EFNA5: variants seen among roughly 807,000 people sequenced by gnomAD.
EFNA5 encodes the protein ephrin-A5.
Under a neutral mutation model 22.9 loss-of-function variants are expected in EFNA5, and 5 were observed. That is an observed-to-expected ratio of 0.22 (90% CI 0.11 to 0.46). The LOEUF is 0.46. Ranked by LOEUF, EFNA5 falls within the 20% of genes least tolerant of loss-of-function variation. The pLI is 0.99. For missense variants in EFNA5, 237 were observed against 293.3 expected, an observed-to-expected ratio of 0.81 and a Z score of 1.40; for synonymous variants, 113 against 112.2, an observed-to-expected ratio of 1.01 and a Z score of -0.04.
At chr5:107,497,500 G>A (rs1747018086) in intron 1 of EFNA5, among the ~76,000 whole-genome samples, 1 of 152,208 alleles carries the variant, frequency 6.6e-6, no homozygotes, top group Admixed American at 6.5e-5. Context: ...GAAATGTGGT[G>A]AGATCTGATT....
chr5:107,532,112 C>T (rs113451485), intron 1 of EFNA5, among the ~76,000 whole-genome samples: 2,233 of 152,256 alleles, frequency 0.015, 35 homozygotes, highest in Non-Finnish European at 0.024. Flanking sequence ...AAAATGGGAA[C>T]GGCTTTGTTT....
chr5:107,517,440 T>C (rs1342959021), intron 1 of EFNA5, among the ~76,000 whole-genome samples: 2 of 152,232 alleles, frequency 1.3e-5, no homozygotes, highest in Non-Finnish European at 1.5e-5. Flanking sequence ...GTGCTTCTTG[T>C]ACTTTAGTTT....
chr5:107,552,887 A>C (rs1748328099), intron 1 of EFNA5, among the ~76,000 whole-genome samples: 1 of 152,322 alleles, frequency 6.6e-6, no homozygotes, highest in African/African-American at 2.4e-5. Context: ...TTTGAGCAAT[A>C]ATTTTTATAA....
chr5:107,547,793 T>C (rs1175918459), intron 1 of EFNA5, among the ~76,000 whole-genome samples: 2 of 152,230 alleles, frequency 1.3e-5, no homozygotes, highest in Admixed American at 6.5e-5. Context: ...TTGTGTTTTT[T>C]TCCCCCACAG....
At chr5:107,634,602 G>A (rs561228572) in intron 1 of EFNA5, among the ~76,000 whole-genome samples, 2 of 146,232 alleles carry the variant, frequency 1.4e-5, no homozygotes, top group African/African-American at 4.9e-5. Context: ...CCAACGCCCT[G>A]GGGAGTTCAA....
chr5:107,490,418 C>T (rs1229278397), intron 1 of EFNA5, among the ~76,000 whole-genome samples: 1 of 152,146 alleles, frequency 6.6e-6, no homozygotes, highest in Non-Finnish European at 1.5e-5. Context: ...ACATCCCACC[C>T]ATGCTTTCAG....
chr5:107,429,687 G>A lies in EFNA5; in HGVS notation c.126-2178C>T, dbSNP rs537645399. ...CTAATCATGAGAACCTGCCTTGCTG[G>A]CCTCTGGTGGCTGCTTCAAGCCTTA... is the stretch of plus-strand genomic sequence containing the variant. On this transcript the variant is annotated intron_variant, in intron 1 of 4. Coordinates refer to ENST00000333274, the MANE Select transcript of EFNA5 (RefSeq NM_001962.3). 2.8e-4 allele frequency among the ~76,000 whole-genome samples: 42 copies of A among 152,270 alleles called. No homozygotes were observed. In the East Asian group the frequency reaches 8.1e-3, roughly 29 times the overall value.
At chr5:107,519,712 C>A (rs1299944376) in intron 1 of EFNA5, among the ~76,000 whole-genome samples, 1 of 152,174 alleles carries the variant, frequency 6.6e-6, no homozygotes, top group Non-Finnish European at 1.5e-5. Context: ...ACCTGAACAC[C>A]ATGACTTAGT....
intron 1 of EFNA5, among the ~76,000 whole-genome samples, chr5:107,668,904 G>A (rs186864790): frequency 9.5e-4 from 144 of 152,228 alleles, no homozygotes; most frequent in Non-Finnish European, 1.5e-3. Flanking sequence ...TGTCAAAGAA[G>A]AAATCGCTTC....
At chr5:107,582,402 A>G (rs1409435573) in intron 1 of EFNA5, among the ~76,000 whole-genome samples, 1 of 152,218 alleles carries the variant, frequency 6.6e-6, no homozygotes, top group East Asian at 1.9e-4. Flanking sequence ...GTAAGACAGG[A>G]TACTACAAAT....
chr5:107,580,231 T>C (rs531487206), intron 1 of EFNA5, among the ~76,000 whole-genome samples: 1 of 152,352 alleles, frequency 6.6e-6, no homozygotes, highest in Admixed American at 6.5e-5. Flanking sequence ...CACTGAAGAA[T>C]GTTCCATTTA....
intron 1 of EFNA5, among the ~76,000 whole-genome samples, chr5:107,602,831 A>G (rs1214049546): frequency 6.6e-6 from 1 of 151,104 alleles, no homozygotes; most frequent in Non-Finnish European, 1.5e-5. Context: ...CAAAGGAGGA[A>G]AAAGAAAGAA....
rs550452240 is a variant in EFNA5 at position 107,553,142 on chromosome 5, C to T, written c.125+117347G>A. Among the ~76,000 whole-genome samples the T allele has an allele frequency of 6.0e-5, 9 of 149,966 alleles. No homozygotes were observed. The South Asian group carries it at 1.7e-3, about 28-fold the overall frequency. On this transcript the variant is annotated intron_variant, in intron 1 of 4. Coordinates refer to ENST00000333274, the MANE Select transcript of EFNA5 (RefSeq NM_001962.3). ...GTGACAGGGAGAGAAAAAGAACTGC[C>T]CCAGTCCTGTTCCACTAAACACCCT... is the stretch of plus-strand genomic sequence containing the variant.
chr5:107,657,441 C>T (rs1055816325), intron 1 of EFNA5, among the ~76,000 whole-genome samples: 3 of 152,006 alleles, frequency 2.0e-5, no homozygotes, highest in East Asian at 1.9e-4. Flanking sequence ...TGAGAACCCT[C>T]GTTTACACCA....
intron 1 of EFNA5, among the ~76,000 whole-genome samples, chr5:107,560,136 A>G (rs1748504753): frequency 1.3e-5 from 2 of 152,228 alleles, no homozygotes; most frequent in Non-Finnish European, 2.9e-5. Flanking sequence ...TTATGCTGAA[A>G]GTTTATTTTT....
At chr5:107,536,367 G>A (rs1004968216) in intron 1 of EFNA5, among the ~76,000 whole-genome samples, 16 of 152,160 alleles carry the variant, frequency 1.1e-4, no homozygotes, top group African/African-American at 3.9e-4. Flanking sequence ...AGCAACTCAG[G>A]TGATTAACAT....
chr5:107,470,634 C>A (rs916642868), intron 1 of EFNA5, among the ~76,000 whole-genome samples: 1 of 152,112 alleles, frequency 6.6e-6, no homozygotes, highest in African/African-American at 2.4e-5. Context: ...TTCTCAATTT[C>A]GGCACTCCTT....
intron 1 of EFNA5, among the ~76,000 whole-genome samples, chr5:107,451,584 A>G (rs1234315353): frequency 6.6e-6 from 1 of 152,204 alleles, no homozygotes; most frequent in Non-Finnish European, 1.5e-5. Flanking sequence ...TATAAAGAGA[A>G]AACGATGGTG....
intron 1 of EFNA5, among the ~76,000 whole-genome samples, chr5:107,547,398 C>A (rs1748187355): frequency 6.6e-6 from 1 of 152,070 alleles, no homozygotes; most frequent in Non-Finnish European, 1.5e-5. Context: ...CAACAGAAAC[C>A]TCTGGGACCA....
Sources: allele counts gnomAD v4.1 joint callset (sites outside exome capture counted in the v4.1 genomes callset), GRCh38; gene constraint gnomAD v4.1.1; transcripts MANE v1.5; gene names NCBI Gene and HGNC (gene_info 2026-07-23, HGNC 2026-07-21).